The following PDE3B variants were observed in gnomAD, a reference collection of about 807,000 sequenced individuals.
The protein encoded by PDE3B is phosphodiesterase 3B.
A neutral mutation model predicts 116.8 loss-of-function variants in PDE3B; 66 were observed. That is an observed-to-expected ratio of 0.56 (90% CI 0.46 to 0.69). The LOEUF is 0.69. Among genes scored for constraint, PDE3B ranks in the 30% least tolerant of loss-of-function variants. The pLI, the probability that PDE3B is intolerant of heterozygous loss-of-function variation, is 0.00. For missense variants in PDE3B, 1,384 were observed against 1,368.1 expected (o/e 1.01, Z -0.18); for synonymous variants, 595 against 533.6 (o/e 1.12, Z -1.59).
At chr11:14,891,849 CA>C in the PDE3B span, 1 of 1,413,896 alleles carries the variant, frequency 7.1e-7, no homozygotes. Context: ...GGGTGTCCCT[CA>C]AAGGGCAGCC....
chr11:14,705,925 T>C (rs935813935), intron 1 of PDE3B, among the ~76,000 whole-genome samples: 1 of 151,892 alleles, frequency 6.6e-6, no homozygotes, highest in African/African-American at 2.4e-5. Context: ...GTAAAAAAGC[T>C]ATACAATTAA....
downstream of PDE3B, among the ~76,000 whole-genome samples, chr11:14,873,293 T>G (rs1186511331): frequency 6.6e-6 from 1 of 152,204 alleles, no homozygotes; most frequent in African/African-American, 2.4e-5. Flanking sequence ...AGAATGAAAG[T>G]TACCTGATAC....
intron 4 of PDE3B, among the ~76,000 whole-genome samples, chr11:14,797,568 A>C (rs1858596665): frequency 6.6e-6 from 1 of 152,118 alleles, no homozygotes; most frequent in East Asian, 1.9e-4. Flanking sequence ...ATTAGCATGG[A>C]ATGTTTTTTC....
chr11:14,673,222 C>A (rs1854425829), intron 1 of PDE3B, among the ~76,000 whole-genome samples: 1 of 150,904 alleles, frequency 6.6e-6, no homozygotes, highest in Admixed American at 6.6e-5. Flanking sequence ...CTGAATTGAA[C>A]CTTTGGCACT....
chr11:14,765,784 T>C (rs1422731967), intron 1 of PDE3B, among the ~76,000 whole-genome samples: 3 of 150,540 alleles, frequency 2.0e-5, no homozygotes, highest in Non-Finnish European at 4.4e-5. Context: ...ACTATAACTT[T>C]TTGTTTTAAA....
chr11:14,693,798 A>G (rs1465562176), intron 1 of PDE3B, among the ~76,000 whole-genome samples: 1 of 152,198 alleles, frequency 6.6e-6, no homozygotes, highest in Admixed American at 6.6e-5. Context: ...CCCATGGATC[A>G]AGGAGTAATT....
intron 4 of PDE3B, among the ~76,000 whole-genome samples, chr11:14,791,656 A>G (rs1858396237): frequency 6.6e-6 from 1 of 152,044 alleles, no homozygotes; most frequent in East Asian, 1.9e-4. Flanking sequence ...TTAGCCTCTT[A>G]ATTCCAGTTT....
chr11:14,661,818 T>A (rs750481438), intron 1 of PDE3B, among the ~76,000 whole-genome samples: 3 of 152,182 alleles, frequency 2.0e-5, no homozygotes, highest in Non-Finnish European at 4.4e-5. Flanking sequence ...TCGAACTGGG[T>A]GGAACCCACC....
the PDE3B span, chr11:14,880,085 A>C: frequency 6.3e-7 from 1 of 1,598,034 alleles, no homozygotes; most frequent in African/African-American, 1.3e-5. Flanking sequence ...AAAAACATGT[A>C]TGAACCCTAC....
chr11:14,870,519 T>C lies in PDE3B; in HGVS notation c.*859T>C, dbSNP rs1247719. ...TAATATGAACACAGCACAGATTTGT[T>C]AGAAGAAAAAAAATTTGCTGTAATA... On this transcript the variant is annotated 3_prime_UTR_variant, in exon 16 of 16. Coordinates refer to ENST00000282096, the MANE Select transcript of PDE3B (RefSeq NM_000922.4). The surrounding 1 kb of genome is among the most constrained non-coding windows in gnomAD (Gnocchi z 4.1). The C allele has an allele frequency of 0.99, 150,841 of 152,708 alleles. 74,537 individuals are homozygous for C. Among genetic ancestry groups the C allele is most frequent in the Middle Eastern group, 1 (294 of 294 alleles). The allele number at this position is 152,708 out of a possible 1,614,324, so 9.5% of individuals were successfully genotyped here. A position where few individuals can be genotyped will look rare whatever the true frequency, so the allele number is the denominator to read the frequency against.
intron 1 of PDE3B, among the ~76,000 whole-genome samples, chr11:14,694,127 A>G (rs117444579): frequency 0.031 from 4,757 of 152,248 alleles, 106 homozygotes; most frequent in Non-Finnish European, 0.049. Context: ...GTCATGAAAA[A>G]ACTTGAACAT....
chr11:14,669,129 G>A (rs1182923834), intron 1 of PDE3B, among the ~76,000 whole-genome samples: 2 of 152,152 alleles, frequency 1.3e-5, no homozygotes, highest in African/African-American at 4.8e-5. Flanking sequence ...AGACATACAA[G>A]GGCAGAATAG....
the PDE3B span, among the ~76,000 whole-genome samples, chr11:14,879,724 T>C: frequency 2.0e-5 from 3 of 152,182 alleles, no homozygotes; most frequent in Admixed American, 2.0e-4. Flanking sequence ...AAATATATGC[T>C]ATATATCTTG....
At chr11:14,685,467 T>TC in intron 1 of PDE3B, among the ~76,000 whole-genome samples, 1 of 132,964 alleles carries the variant, frequency 7.5e-6, no homozygotes, top group Admixed American at 7.3e-5. Context: ...TTTTTTTTTT[T>TC]TTTTTTAAGA....
At chr11:14,815,885 G>A (rs1288260367) in intron 5 of PDE3B, among the ~76,000 whole-genome samples, 3 of 151,242 alleles carry the variant, frequency 2.0e-5, no homozygotes, top group Non-Finnish European at 4.4e-5. Context: ...GTAAAGGTAC[G>A]GTGCTCTTTT....
At chr11:14,685,008 C>T (rs1477467035) in intron 1 of PDE3B, among the ~76,000 whole-genome samples, 3 of 151,856 alleles carry the variant, frequency 2.0e-5, no homozygotes, top group East Asian at 1.9e-4. Flanking sequence ...CCTGAGGTGA[C>T]GTACATCCTC....
chr11:14,785,628 G>A (rs1464976001), intron 2 of PDE3B, among the ~76,000 whole-genome samples: 2 of 151,882 alleles, frequency 1.3e-5, no homozygotes, highest in Admixed American at 6.6e-5. Flanking sequence ...ATGGGTAATC[G>A]AGTTGAACAT....
At chr11:14,803,577 AACCTATTTC>A (rs1858833834) in intron 4 of PDE3B, among the ~76,000 whole-genome samples, 1 of 152,218 alleles carries the variant, frequency 6.6e-6, no homozygotes, top group Non-Finnish European at 1.5e-5. Context: ...TAATTGTGAT[AACCTATTTC>A]ACCCCAGGGA....
At chr11:14,781,612 C>A (rs1021069679) in intron 2 of PDE3B, among the ~76,000 whole-genome samples, 7 of 152,078 alleles carry the variant, frequency 4.6e-5, no homozygotes, top group African/African-American at 1.4e-4. Flanking sequence ...ATTCAGCAGC[C>A]CTTCATGCTA....
Sources: allele counts gnomAD v4.1 joint callset (sites outside exome capture counted in the v4.1 genomes callset), GRCh38; gene constraint gnomAD v4.1.1; non-coding constraint Gnocchi (gnomAD v3.1); transcripts MANE v1.5; gene names NCBI Gene and HGNC (gene_info 2026-07-23, HGNC 2026-07-21).